The following ZNF334 variants were observed in gnomAD, a reference collection of about 807,000 sequenced individuals.
The protein encoded by ZNF334 is zinc finger protein 334.
In ZNF334, 14 loss-of-function variants were observed where a neutral mutation model predicts 12.4. That is an observed-to-expected ratio of 1.13 (90% CI 0.74 to 1.76). The LOEUF (loss-of-function observed/expected upper bound fraction) is 1.76, where lower values mean the gene tolerates loss of function less well. Among genes scored for constraint, ZNF334 ranks in the 40% most tolerant of loss-of-function variants. The pLI is 0.00. For missense variants in ZNF334, 797 were observed against 804.5 expected, an observed-to-expected ratio of 0.99 and a Z score of 0.11; for synonymous variants, 273 against 269.6, an observed-to-expected ratio of 1.01 and a Z score of -0.12.
chr20:46,489,616 C>A, the ZNF334 span, among the ~76,000 whole-genome samples: 2 of 143,004 alleles, frequency 1.4e-5, no homozygotes, highest in Non-Finnish European at 1.5e-5. Flanking sequence ...CAAGATCATG[C>A]CATTGCACTC....
chr20:46,480,249 TG>T, the ZNF334 span, among the ~76,000 whole-genome samples: 1 of 152,298 alleles, frequency 6.6e-6, no homozygotes, highest in East Asian at 1.9e-4. Flanking sequence ...TCACAGGTTC[TG>T]GGGGTTAGGA....
chr20:46,494,164 T>G, the ZNF334 span, among the ~76,000 whole-genome samples: 1 of 152,244 alleles, frequency 6.6e-6, no homozygotes, highest in Non-Finnish European at 1.5e-5. Context: ...CATGTAATAC[T>G]GAATACATTT....
At chr20:46,472,587 C>T in the ZNF334 span, among the ~76,000 whole-genome samples, 43 of 152,246 alleles carry the variant, frequency 2.8e-4, no homozygotes, top group East Asian at 6.4e-3. Flanking sequence ...AACTCTAGGA[C>T]GGCCTAAATA....
chr20:46,490,103 G>A, the ZNF334 span, among the ~76,000 whole-genome samples: 2 of 152,208 alleles, frequency 1.3e-5, no homozygotes, highest in East Asian at 3.9e-4. Flanking sequence ...TCAAGATACT[G>A]GAAAATAATG....
chr20:46,506,470 T>TA (rs112192759), intron 2 of ZNF334: 76 of 400,344 alleles, frequency 1.9e-4, no homozygotes, highest in South Asian at 4.9e-4. Flanking sequence ...TACAAAAAAA[T>TA]AAAAAAAAAT....
the ZNF334 span, among the ~76,000 whole-genome samples, chr20:46,473,984 G>A: frequency 1.3e-5 from 2 of 152,326 alleles, no homozygotes; most frequent in African/African-American, 2.4e-5. Context: ...TGGATTGGGT[G>A]ATATGGCCAC....
downstream of ZNF334, among the ~76,000 whole-genome samples, chr20:46,495,417 C>T (rs979329408): frequency 6.6e-6 from 1 of 151,286 alleles, no homozygotes; most frequent in African/African-American, 2.4e-5. Flanking sequence ...AGACAACTGG[C>T]TGTTGAATAA....
intron 2 of ZNF334, among the ~76,000 whole-genome samples, chr20:46,507,377 G>C (rs1419740125): frequency 6.6e-6 from 1 of 152,106 alleles, no homozygotes; most frequent in East Asian, 1.9e-4. Context: ...TAAGGAGACA[G>C]GACATTTAAC....
rs1027350483 is a variant in ZNF334 at position 46,500,869 on chromosome 20, A to G, written c.*427T>C. The G allele has an allele frequency of 5.5e-6, 1 of 183,152 alleles. No individual in the cohort carries two copies. The highest frequency in any genetic ancestry group is 5.3e-5 in the Admixed American group (1 of 18,726). 11.3% of individuals were successfully genotyped at this position (183,152 alleles called of 1,614,324 possible). On this transcript the variant is annotated 3_prime_UTR_variant, in exon 5 of 5. Coordinates refer to ENST00000692313, the MANE Select transcript of ZNF334 (RefSeq NM_001353824.2). ...GACAACAAAAAATCTGCCAAATCTGAAAATACACCATAAATTGAGAAACTG... is the reference window on the plus strand; with the variant it reads ...GACAACAAAAAATCTGCCAAATCTGGAAATACACCATAAATTGAGAAACTG...
At position 46,507,702 on chromosome 20, in the gene ZNF334, G is replaced by A. The variant is rs146443955; in HGVS notation, c.22-2962C>T. Among the ~76,000 whole-genome samples, 159 of 152,220 alleles carry A rather than the reference G, an allele frequency of 1.0e-3. 1 individual carries two copies. In the East Asian group the frequency reaches 0.018, roughly 17 times the overall value. Reference sequence around the variant, plus strand: ...CCCACATGACCATCCTAGGTCACCCGTCTTTCTTTTCTTTGATCTGCTATA... The same window carrying A: ...CCCACATGACCATCCTAGGTCACCCATCTTTCTTTTCTTTGATCTGCTATA... On this transcript the variant is annotated intron_variant, in intron 2 of 4. Coordinates refer to ENST00000692313, the MANE Select transcript of ZNF334 (RefSeq NM_001353824.2).
chr20:46,469,443 A>G, the ZNF334 span, among the ~76,000 whole-genome samples: 1 of 146,836 alleles, frequency 6.8e-6, no homozygotes, highest in African/African-American at 2.6e-5. Flanking sequence ...ATCTTGGCTC[A>G]CTGCAAGCTC....
At chr20:46,512,193 A>C (rs2061676569) in intron 1 of ZNF334, 53 bp from the exon 2 acceptor site, 2 of 1,392,880 alleles carry the variant, frequency 1.4e-6, no homozygotes, top group Admixed American at 1.7e-5. Context: ...CTCACACAGC[A>C]GCTCTACAAT....
At chr20:46,488,178 T>G in the ZNF334 span, among the ~76,000 whole-genome samples, 1 of 152,026 alleles carries the variant, frequency 6.6e-6, no homozygotes, top group African/African-American at 2.4e-5. Flanking sequence ...CTATTTGTCA[T>G]ATCTGTTCTT....
the ZNF334 span, among the ~76,000 whole-genome samples, chr20:46,474,060 T>C: frequency 6.6e-6 from 1 of 152,186 alleles, no homozygotes; most frequent in African/African-American, 2.4e-5. Context: ...GGATGCTAAA[T>C]GCACTGGTGA....
chr20:46,503,119 ACGGT>A, intron 4 of ZNF334, 22 bp from the exon 5 acceptor site: 1 of 1,567,702 alleles, frequency 6.4e-7, no homozygotes, highest in Non-Finnish European at 8.6e-7. Flanking sequence ...AACACAATTA[ACGGT>A]AATTGGTGAG....
At chr20:46,476,813 A>G in the ZNF334 span, among the ~76,000 whole-genome samples, 1 of 152,346 alleles carries the variant, frequency 6.6e-6, no homozygotes, top group East Asian at 1.9e-4. Flanking sequence ...TCCATAAGTT[A>G]TAATGATGGA....
the ZNF334 span, among the ~76,000 whole-genome samples, chr20:46,479,658 T>C: frequency 6.6e-6 from 1 of 152,224 alleles, no homozygotes; most frequent in Non-Finnish European, 1.5e-5. Context: ...AAAGCTGTCT[T>C]GTGTGGGGAA....
chr20:46,486,329 G>A, the ZNF334 span, among the ~76,000 whole-genome samples: 1 of 152,158 alleles, frequency 6.6e-6, no homozygotes, highest in Admixed American at 6.5e-5. Flanking sequence ...CAGGAGAATC[G>A]CTTGAACCTG....
At chr20:46,496,600 G>A (rs2061030075), downstream of ZNF334, 1 of 152,224 alleles carries the variant, frequency 6.6e-6, no homozygotes, top group South Asian at 2.1e-4. Flanking sequence ...TGTTTCCAGT[G>A]AGGGTGGGTC....
Sources: gnomAD v4.1 joint callset for allele counts (sites outside exome capture counted in the v4.1 genomes callset) on GRCh38, gnomAD v4.1.1 for gene constraint, MANE v1.5 for transcripts, NCBI Gene and HGNC (gene_info 2026-07-23, HGNC 2026-07-21) for gene names.